GLRA2: variants seen among roughly 807,000 people sequenced by gnomAD.
GLRA2 encodes the protein glycine receptor subunit alpha-2.
GLRA2 carries 11 observed loss-of-function variants against 31.6 expected under a neutral mutation model. The observed-to-expected ratio is 0.35, with a 90% CI of 0.22 to 0.58. The LOEUF (loss-of-function observed/expected upper bound fraction) is 0.58, where lower values mean the gene tolerates loss of function less well. Ranked by LOEUF, GLRA2 falls within the 20% of genes least tolerant of loss-of-function variation. The probability of loss-of-function intolerance (pLI) is 0.84; values close to 1 mark genes in which losing one functional copy is unlikely to be tolerated. For synonymous variants in GLRA2, 132 were observed against 134.0 expected (o/e 0.99, Z 0.10); for missense variants, 212 against 351.8 (o/e 0.60, Z 3.18).
intron 2 of GLRA2, among the ~76,000 whole-genome samples, chrX:14,567,634 G>C (rs748399906): frequency 8.0e-5 from 9 of 111,974 alleles, no homozygotes; most frequent in Non-Finnish European, 1.7e-4. Context: ...TTTATCCAGA[G>C]CAATTAGACA....
At chrX:14,457,441 C>A in the GLRA2 span, among the ~76,000 whole-genome samples, 1 of 108,642 alleles carries the variant, frequency 9.2e-6, no homozygotes, top group Non-Finnish European at 1.9e-5. Context: ...TGAGTGAGAA[C>A]ATGCAGTGTT....
rs1000793881 is a variant in GLRA2 at position 14,620,268 on chromosome X, G to T, written c.930+11063G>T. ...CTCAGCACTGTCACAACTAATTTGGGGGTTTCTCGGTGTGCTGACGCAAGC... is the reference window on the plus strand; with the variant it reads ...CTCAGCACTGTCACAACTAATTTGGTGGTTTCTCGGTGTGCTGACGCAAGC... On this transcript the variant is annotated intron_variant, in intron 7 of 8. Coordinates refer to ENST00000218075, the MANE Select transcript of GLRA2 (RefSeq NM_002063.4). 2.8e-5 allele frequency among the ~76,000 whole-genome samples: 3 copies of T among 108,298 alleles called. No individual in the cohort carries two copies. In the Admixed American group the frequency reaches 3.0e-4, roughly 11 times the overall value. 94.0% of individuals were successfully genotyped at this position (108,298 alleles called of 115,157 possible).
intron 2 of GLRA2, among the ~76,000 whole-genome samples, chrX:14,552,850 C>T: frequency 8.9e-6 from 1 of 111,991 alleles, no homozygotes; most frequent in East Asian, 2.8e-4. Flanking sequence ...AAAGCCTCAA[C>T]AAACCTTGTC....
intron 4 of GLRA2, among the ~76,000 whole-genome samples, chrX:14,585,487 A>G (rs1213408267): frequency 8.9e-6 from 1 of 112,060 alleles, no homozygotes; most frequent in African/African-American, 3.2e-5. Flanking sequence ...CAATTTAACT[A>G]GAGGTCAAGG....
At chrX:14,557,328 G>A (rs1196295269) in intron 2 of GLRA2, among the ~76,000 whole-genome samples, 1 of 109,238 alleles carries the variant, frequency 9.2e-6, no homozygotes, top group African/African-American at 3.3e-5. Context: ...TGTTAGCCAG[G>A]GTGGTCTTGA....
chrX:14,481,998 A>G, the GLRA2 span, among the ~76,000 whole-genome samples: 2 of 111,882 alleles, frequency 1.8e-5, no homozygotes, highest in Non-Finnish European at 3.8e-5. Context: ...TATACACACA[A>G]AAGCAAGTAG....
At chrX:14,651,168 G>A (rs192016282) in intron 7 of GLRA2, among the ~76,000 whole-genome samples, 1 of 111,679 alleles carries the variant, frequency 9.0e-6, no homozygotes, top group East Asian at 2.8e-4. Flanking sequence ...TGTTGAATGT[G>A]AACCACACCA....
chrX:14,555,673 C>T (rs986553402), intron 2 of GLRA2, among the ~76,000 whole-genome samples: 2 of 112,089 alleles, frequency 1.8e-5, no homozygotes, highest in African/African-American at 6.5e-5. Flanking sequence ...GGCTTCTGAT[C>T]TCATAGGTTT....
At chrX:14,584,075 G>A (rs1320344118) in intron 4 of GLRA2, among the ~76,000 whole-genome samples, 8 of 110,472 alleles carry the variant, frequency 7.2e-5, no homozygotes, top group Non-Finnish European at 1.3e-4. Context: ...AGGAGGACGA[G>A]AATCAAAAAA....
the GLRA2 span, among the ~76,000 whole-genome samples, chrX:14,457,341 C>T: frequency 9.0e-6 from 1 of 110,737 alleles, no homozygotes. Flanking sequence ...CTAATGTTAT[C>T]ACTCCCCTAG....
chrX:14,699,856 T>G (rs1452057993), intron 8 of GLRA2, among the ~76,000 whole-genome samples: 3 of 111,830 alleles, frequency 2.7e-5, no homozygotes, highest in Non-Finnish European at 5.6e-5. Flanking sequence ...CAGGGCATTA[T>G]CCTCAGCAAA....
At chrX:14,619,032 G>C (rs932718401) in intron 7 of GLRA2, among the ~76,000 whole-genome samples, 1 of 111,129 alleles carries the variant, frequency 9.0e-6, no homozygotes, top group African/African-American at 3.3e-5. Context: ...CAACTAATTT[G>C]GGATCTTAAT....
At chrX:14,681,299 A>T (rs1045945787) in intron 7 of GLRA2, among the ~76,000 whole-genome samples, 4 of 112,143 alleles carry the variant, frequency 3.6e-5, no homozygotes, top group African/African-American at 1.3e-4. Context: ...AACTGTTTAA[A>T]TTAAAGCACA....
At chrX:14,453,118 G>T in the GLRA2 span, among the ~76,000 whole-genome samples, 1 of 111,975 alleles carries the variant, frequency 8.9e-6, no homozygotes, top group African/African-American at 3.2e-5. Context: ...AAAAGAGAAA[G>T]AGAGTGGAGT....
chrX:14,638,103 A>G (rs1247587337), intron 7 of GLRA2, among the ~76,000 whole-genome samples: 1 of 111,358 alleles, frequency 9.0e-6, no homozygotes, highest in East Asian at 2.8e-4. Context: ...TTCAGATGAA[A>G]AAGGGTTATT....
chrX:14,670,604 A>AT (rs1372940733), intron 7 of GLRA2, among the ~76,000 whole-genome samples: 1 of 111,207 alleles, frequency 9.0e-6, no homozygotes, highest in Non-Finnish European at 1.9e-5. Context: ...AGAAACTCTC[A>AT]TTTTTAAAAC....
At chrX:14,538,035 A>C (rs768716314) in intron 2 of GLRA2, among the ~76,000 whole-genome samples, 2 of 108,683 alleles carry the variant, frequency 1.8e-5, no homozygotes, top group South Asian at 8.4e-4. Flanking sequence ...CTATGGACCC[A>C]CAAGGTTTTT....
chrX:14,691,322 T>C (rs776896770), intron 8 of GLRA2, among the ~76,000 whole-genome samples: 26,012 of 81,749 alleles, frequency 0.32, 2,585 homozygotes, highest in Non-Finnish European at 0.35. Flanking sequence ...TGTGTGTGTG[T>C]GTGCGCGCGT....
At position 14,730,443 on chromosome X, in the gene GLRA2, C is replaced by T; in HGVS notation, c.1317C>T (p.Ile439=). The change falls in exon 9 of 9, where the codon ATC becomes ATT. Residue 439 remains isoleucine (I), a synonymous_variant. Transcript: ENST00000218075. ...AFLIFNIFYW[I]TYKIIRHEDV... ...TCATTTTCAACATCTTTTACTGGAT[C>T]ACATACAAGATCATTCGGCATGAAG... The T allele has an allele frequency of 1.7e-6, 2 of 1,206,888 alleles. No individual in the cohort carries two copies. The highest frequency in any genetic ancestry group is 3.5e-5 in the South Asian group (2 of 56,827).
Sources: allele counts gnomAD v4.1 joint callset (sites outside exome capture counted in the v4.1 genomes callset), GRCh38; gene constraint gnomAD v4.1.1; transcripts MANE v1.5; gene names NCBI Gene and HGNC (gene_info 2026-07-23, HGNC 2026-07-21).